Variants in GPC6 observed in about 807,000 individuals in gnomAD.
The protein encoded by GPC6 is glypican 6.
In GPC6, 14 loss-of-function variants were observed where a neutral mutation model predicts 55.2. The ratio of observed to expected loss-of-function variants is 0.25; its 90% CI spans 0.17 to 0.40. GPC6 has a LOEUF of 0.40. Among genes scored for constraint, GPC6 ranks in the 10% least tolerant of loss-of-function variants. The pLI, the probability that GPC6 is intolerant of heterozygous loss-of-function variation, is 1.00. For synonymous variants in GPC6, 278 were observed against 259.6 expected (o/e 1.07, Z -0.68); for missense variants, 641 against 708.5 (o/e 0.90, Z 1.08).
At chr13:94,366,991 A>G (rs939909819) in intron 6 of GPC6, among the ~76,000 whole-genome samples, 1 of 152,238 alleles carries the variant, frequency 6.6e-6, no homozygotes, top group Admixed American at 6.5e-5. Flanking sequence ...TGTTTCTGCT[A>G]TGTGCTCAAG....
At chr13:93,944,207 T>G (rs1038993131) in intron 3 of GPC6, among the ~76,000 whole-genome samples, 2 of 149,358 alleles carry the variant, frequency 1.3e-5, no homozygotes, top group African/African-American at 2.5e-5. Context: ...TATTTATTTA[T>G]TTATTTATTT....
chr13:93,381,387 C>A (rs1490225747), intron 1 of GPC6, among the ~76,000 whole-genome samples: 1 of 151,206 alleles, frequency 6.6e-6, no homozygotes, highest in Non-Finnish European at 1.5e-5. Context: ...TCTACACTTT[C>A]AAAAAAAAGG....
At chr13:93,380,016 G>T (rs1156728241) in intron 1 of GPC6, among the ~76,000 whole-genome samples, 7 of 151,002 alleles carry the variant, frequency 4.6e-5, no homozygotes. Context: ...CTTAGCAGGG[G>T]TAAGGCGATG....
intron 2 of GPC6, among the ~76,000 whole-genome samples, chr13:93,561,811 C>CT (rs1875830152): frequency 6.6e-6 from 1 of 152,122 alleles, no homozygotes; most frequent in Non-Finnish European, 1.5e-5. Context: ...AGGCTCCTGC[C>CT]TGAGCAGACA....
chr13:93,393,125 T>TAGAG lies in GPC6; in HGVS notation c.161-152137_161-152136insGAGA, dbSNP rs1394640725. 6.8e-3 allele frequency among the ~76,000 whole-genome samples: 657 copies of TAGAG among 96,654 alleles called. 3 individuals carry two copies. The highest frequency in any genetic ancestry group is 0.023 in the African/African-American group (613 of 27,032). 63.4% of individuals were successfully genotyped at this position (96,654 alleles called of 152,430 possible). A position where few individuals can be genotyped will look rare whatever the true frequency, so the allele number is the denominator to read the frequency against. ...TATATTTGATATATATATATATATA[T>TAGAG]ATAGAGAGAGAGAGAGAGAGAGAGA... On this transcript the variant is annotated intron_variant, in intron 1 of 8. Coordinates refer to ENST00000377047, the MANE Select transcript of GPC6 (RefSeq NM_005708.5).
chr13:94,076,048 T>C (rs770938503), intron 4 of GPC6, among the ~76,000 whole-genome samples: 47 of 152,054 alleles, frequency 3.1e-4, no homozygotes, highest in Non-Finnish European at 4.9e-4. Flanking sequence ...CTGCTTTTCA[T>C]AGTAGCTGTA....
upstream of GPC6, among the ~76,000 whole-genome samples, chr13:93,223,654 G>C (rs1875678880): frequency 6.6e-6 from 1 of 152,012 alleles, no homozygotes. Context: ...ATGTTGGCTA[G>C]CCTGGTCTCT....
At chr13:93,407,726 G>A (rs1452319461) in intron 1 of GPC6, among the ~76,000 whole-genome samples, 1 of 152,168 alleles carries the variant, frequency 6.6e-6, no homozygotes, top group Non-Finnish European at 1.5e-5. Context: ...AGCCTTGGAT[G>A]ACAAGGGTTC....
rs1360844217 is a variant in GPC6 at position 93,795,658 on chromosome 13, G to GA, written c.320-34490dup. ...TATAAATAAGATAGAGATGTTAAAA[G>GA]AAAAAACAATGTAAATTCTATTGCC... On this transcript the variant is annotated intron_variant, in intron 2 of 8. Coordinates refer to ENST00000377047, the MANE Select transcript of GPC6 (RefSeq NM_005708.5). 3.3e-5 allele frequency among the ~76,000 whole-genome samples: 5 copies of GA among 152,134 alleles called. No homozygotes were observed. The South Asian group carries it at 8.3e-4, about 25-fold the overall frequency.
chr13:94,091,894 CTGTGTGTGTGTGTT>C (rs1336002080), intron 4 of GPC6, among the ~76,000 whole-genome samples: 2 of 79,696 alleles, frequency 2.5e-5, no homozygotes, highest in African/African-American at 4.8e-5. Flanking sequence ...AGATCAAATT[CTGTGTGTGTGTGTT>C]TGTGTGTGTG....
At chr13:93,693,439 ATGTGTGTGTGTGTATGTATATCTGTG>A (rs1882330034) in intron 2 of GPC6, among the ~76,000 whole-genome samples, 1 of 149,222 alleles carries the variant, frequency 6.7e-6, no homozygotes, top group Non-Finnish European at 1.5e-5. Context: ...ATGGAGATAT[ATGTGTGTGTGTGTATGTATATCTGTG>A]TGTGTGTGTG....
At chr13:93,608,735 T>G (rs1009133276) in intron 2 of GPC6, among the ~76,000 whole-genome samples, 1 of 152,170 alleles carries the variant, frequency 6.6e-6, no homozygotes, top group Non-Finnish European at 1.5e-5. Flanking sequence ...CCTGCCACGT[T>G]CAGGGAGAGG....
chr13:93,473,319 T>G (rs1328440609), intron 1 of GPC6, among the ~76,000 whole-genome samples: 3 of 152,102 alleles, frequency 2.0e-5, no homozygotes, highest in Admixed American at 6.5e-5. Context: ...GTGCCCAAAG[T>G]ATGGAGCAGG....
intron 4 of GPC6, among the ~76,000 whole-genome samples, chr13:94,246,050 C>G (rs1891186388): frequency 6.6e-6 from 1 of 152,022 alleles, no homozygotes; most frequent in South Asian, 2.1e-4. Context: ...TTATAGTAGA[C>G]ATTCTAACGG....
chr13:93,703,421 A>ATTTT (rs1190590714), intron 2 of GPC6, among the ~76,000 whole-genome samples: 1 of 152,034 alleles, frequency 6.6e-6, no homozygotes, highest in Non-Finnish European at 1.5e-5. Flanking sequence ...AATTTGACAC[A>ATTTT]GAGATGAGAC....
chr13:93,801,819 C>A (rs1390514724), intron 2 of GPC6, among the ~76,000 whole-genome samples: 3 of 152,306 alleles, frequency 2.0e-5, no homozygotes, highest in East Asian at 1.9e-4. Flanking sequence ...CTTCCAGCTT[C>A]ATTTCCCTGA....
intron 1 of GPC6, among the ~76,000 whole-genome samples, chr13:93,389,659 A>G (rs1331038952): frequency 6.6e-6 from 1 of 152,106 alleles, no homozygotes; most frequent in African/African-American, 2.4e-5. Flanking sequence ...TATGTTAAAT[A>G]TGTACACGTT....
chr13:94,323,835 T>A (rs1268311542), intron 6 of GPC6, among the ~76,000 whole-genome samples: 1 of 152,204 alleles, frequency 6.6e-6, no homozygotes, highest in Non-Finnish European at 1.5e-5. Flanking sequence ...ATTTATTCAG[T>A]GACTCTTCAA....
chr13:94,339,996 C>T (rs1345668321), intron 6 of GPC6, among the ~76,000 whole-genome samples: 4 of 152,012 alleles, frequency 2.6e-5, no homozygotes, highest in Middle Eastern at 3.4e-3. Flanking sequence ...CTCCCGATCT[C>T]AGGTGATCCA....
Sources: gnomAD v4.1 joint callset for allele counts (sites outside exome capture counted in the v4.1 genomes callset) on GRCh38, gnomAD v4.1.1 for gene constraint, MANE v1.5 for transcripts, NCBI Gene and HGNC (gene_info 2026-07-23, HGNC 2026-07-21) for gene names.